ELAVL4: variants seen among roughly 807,000 people sequenced by gnomAD.
ELAVL4 encodes the protein ELAV-like protein 4.
Under a neutral mutation model 35.6 loss-of-function variants are expected in ELAVL4, and 1 was observed. The ratio of observed to expected loss-of-function variants is 0.03; its 90% CI spans 0.01 to 0.13. The LOEUF is 0.13. Ranked by LOEUF, ELAVL4 falls within the 10% of genes least tolerant of loss-of-function variation. The probability of loss-of-function intolerance (pLI) is 1.00; values close to 1 mark genes in which losing one functional copy is unlikely to be tolerated. For synonymous variants in ELAVL4, 156 were observed against 171.0 expected, an observed-to-expected ratio of 0.91 and a Z score of 0.69; for missense variants, 267 against 464.9, an observed-to-expected ratio of 0.57 and a Z score of 3.91.
intron 2 of ELAVL4, among the ~76,000 whole-genome samples, chr1:50,169,680 C>T (rs1678630081): frequency 6.6e-6 from 1 of 152,056 alleles, no homozygotes; most frequent in African/African-American, 2.4e-5. Flanking sequence ...TAGATTCAGC[C>T]CTCAAGTTCG....
intron 3 of ELAVL4, among the ~76,000 whole-genome samples, chr1:50,182,781 T>C (rs973167183): frequency 1.3e-5 from 2 of 152,198 alleles, no homozygotes; most frequent in Non-Finnish European, 2.9e-5. Flanking sequence ...GTAAATAATT[T>C]GGTATGTACA....
chr1:50,109,015 T>TCGGGGGGGGGGCG lies in ELAVL4; in HGVS notation c.-174_-173insGGGGGGGGGGCGC. ...GCTCCTTTTCTTTTTTTTCTTTCTC[T>TCGGGGGGGGGGCG]CCCCCGCCCACCCCCCCAAAAATAA... On this transcript the variant is annotated 5_prime_UTR_variant, in exon 1 of 7. Transcript: ENST00000371824. 1.0e-6 allele frequency: 1 copy of TCGGGGGGGGGGCG among 961,068 alleles called. No individual in the cohort carries two copies. Among genetic ancestry groups the TCGGGGGGGGGGCG allele is most frequent in the Non-Finnish European group, 1.2e-6 (1 of 816,948 alleles). The allele number at this position is 961,068 out of a possible 1,614,324, so 59.5% of individuals were successfully genotyped here. A position where few individuals can be genotyped will look rare whatever the true frequency, so the allele number is the denominator to read the frequency against.
intron 2 of ELAVL4, among the ~76,000 whole-genome samples, chr1:50,157,129 T>C (rs1281431248): frequency 6.6e-6 from 1 of 152,158 alleles, no homozygotes; most frequent in Non-Finnish European, 1.5e-5. Flanking sequence ...GTCAGGATAA[T>C]TTCTGAGATT....
intron 1 of ELAVL4, among the ~76,000 whole-genome samples, chr1:50,098,867 T>G (rs1044075548): frequency 2.6e-5 from 4 of 152,186 alleles, no homozygotes; most frequent in African/African-American, 7.2e-5. Flanking sequence ...ATAAGAGGGT[T>G]GAAAACTAGA....
At chr1:50,105,033 A>G (rs1666195474), upstream of ELAVL4, among the ~76,000 whole-genome samples, 1 of 152,184 alleles carries the variant, frequency 6.6e-6, no homozygotes, top group South Asian at 2.1e-4. Context: ...GTTGTTTATC[A>G]CTATTCATAT....
chr1:50,125,529 G>A (rs150137894), intron 1 of ELAVL4, among the ~76,000 whole-genome samples: 1 of 152,116 alleles, frequency 6.6e-6, no homozygotes, highest in African/African-American at 2.4e-5. Flanking sequence ...GTCATCTGTG[G>A]AATGATTGGA....
At chr1:50,094,994 A>G (rs1286489616) in intron 1 of ELAVL4, among the ~76,000 whole-genome samples, 2 of 152,148 alleles carry the variant, frequency 1.3e-5, no homozygotes, top group Non-Finnish European at 2.9e-5. Context: ...GCATTCAGGT[A>G]GGTGAAAAGT....
upstream of ELAVL4, among the ~76,000 whole-genome samples, chr1:50,106,563 T>C (rs1447968353): frequency 2.6e-5 from 4 of 152,064 alleles, no homozygotes; most frequent in Admixed American, 2.0e-4. Context: ...AGATAATATA[T>C]TGAGAATCTG....
chr1:50,129,279 T>C (rs1456929546), intron 1 of ELAVL4, among the ~76,000 whole-genome samples: 1 of 152,090 alleles, frequency 6.6e-6, no homozygotes, highest in African/African-American at 2.4e-5. Flanking sequence ...TATTGGGGTA[T>C]ACAGTAAGAA....
At chr1:50,122,983 C>T (rs1669280337) in intron 1 of ELAVL4, among the ~76,000 whole-genome samples, 1 of 152,026 alleles carries the variant, frequency 6.6e-6, no homozygotes, top group Non-Finnish European at 1.5e-5. Context: ...GTAAAGGAGA[C>T]ATGGCCCCCC....
intron 1 of ELAVL4, among the ~76,000 whole-genome samples, chr1:50,058,368 G>A (rs947007531): frequency 3.3e-5 from 5 of 152,100 alleles, no homozygotes; most frequent in Admixed American, 1.3e-4. Context: ...GGACAGGATA[G>A]GATATATAGG....
At chr1:50,088,711 C>A (rs1040502994) in intron 1 of ELAVL4, among the ~76,000 whole-genome samples, 1 of 152,120 alleles carries the variant, frequency 6.6e-6, no homozygotes, top group Non-Finnish European at 1.5e-5. Flanking sequence ...GCATTAACCA[C>A]CAAAAGCCCT....
Position 50,167,681 on chromosome 1 carries a change from G to A in ELAVL4, c.251-9408G>A, listed in dbSNP as rs534549064. On this transcript the variant is annotated intron_variant, in intron 2 of 6. Transcript: ENST00000371824. ...ATGCATAACCTCCATCCCTGCCACC[G>A]TGGCCACTTTGTTCATGACAGGGGT... Among the ~76,000 whole-genome samples, 89 of 152,272 alleles carry A rather than the reference G, an allele frequency of 5.8e-4. 1 individual carries two copies. Among genetic ancestry groups the A allele is most frequent in the African/African-American group, 1.9e-3 (80 of 41,568 alleles).
chr1:50,097,780 G>A (rs1292904574), intron 1 of ELAVL4, among the ~76,000 whole-genome samples: 2 of 152,284 alleles, frequency 1.3e-5, no homozygotes, highest in African/African-American at 2.4e-5. Context: ...GATATAGGGG[G>A]AATCTGTCTT....
Position 50,201,257 on chromosome 1 carries a change from G to A in ELAVL4, c.*79G>A, listed in dbSNP as rs889439696. 1.1e-5 allele frequency: 16 copies of A among 1,413,604 alleles called. No individual in the cohort carries two copies. The highest frequency in any genetic ancestry group is 1.6e-5 in the South Asian group (1 of 60,970). The allele number at this position is 1,413,604 out of a possible 1,614,324, so 87.6% of individuals were successfully genotyped here. A position where few individuals can be genotyped will look rare whatever the true frequency, so the allele number is the denominator to read the frequency against. On this transcript the variant is annotated 3_prime_UTR_variant, in exon 7 of 7. Coordinates refer to ENST00000371824, the MANE Select transcript of ELAVL4 (RefSeq NM_001144774.3). The surrounding 1 kb of genome is among the most constrained non-coding windows in gnomAD (Gnocchi z 4.3). ...CACGCGCGCACACACACACATACAC[G>A]AAAGAGAGAGAAACAAACTTTTCAA...
intron 1 of ELAVL4, among the ~76,000 whole-genome samples, chr1:50,056,868 C>A (rs369177080): frequency 4.0e-5 from 6 of 151,052 alleles, no homozygotes; most frequent in African/African-American, 1.5e-4. Context: ...GGAGGCAGAG[C>A]TTGCAGTAAG....
chr1:50,181,243 T>G (rs1240377435), intron 3 of ELAVL4: 1 of 152,268 alleles, frequency 6.6e-6, no homozygotes, highest in Admixed American at 6.5e-5. Context: ...TTTGGCTCTG[T>G]GCACACATGG....
intron 1 of ELAVL4, among the ~76,000 whole-genome samples, chr1:50,140,671 A>G (rs1315691365): frequency 6.6e-6 from 1 of 152,208 alleles, no homozygotes; most frequent in South Asian, 2.1e-4. Context: ...TATAGGATGT[A>G]TATTAACACA....
intron 2 of ELAVL4, chr1:50,174,504 T>C (rs1679633124): frequency 1.3e-5 from 2 of 148,926 alleles, no homozygotes; most frequent in Admixed American, 1.3e-4. Flanking sequence ...TTTTTTTTCA[T>C]TTTCCCAAAA....
Sources: gnomAD v4.1 joint callset for allele counts (sites outside exome capture counted in the v4.1 genomes callset) on GRCh38, gnomAD v4.1.1 for gene constraint, Gnocchi (gnomAD v3.1) non-coding constraint, MANE v1.5 for transcripts, NCBI Gene and HGNC (gene_info 2026-07-23, HGNC 2026-07-21) for gene names.